TLE4: variants seen among roughly 807,000 people sequenced by gnomAD.
TLE4 encodes the protein TLE family member 4, transcriptional corepressor.
A neutral mutation model predicts 92.8 loss-of-function variants in TLE4; 8 were observed. The observed-to-expected ratio is 0.09, with a 90% CI of 0.05 to 0.16. The LOEUF is 0.16. Ranked by LOEUF, TLE4 falls within the 10% of genes least tolerant of loss-of-function variation. The probability of loss-of-function intolerance (pLI) is 1.00; values close to 1 mark genes in which losing one functional copy is unlikely to be tolerated. For missense variants in TLE4, 675 were observed against 997.6 expected (o/e 0.68, Z 4.36); for synonymous variants, 371 against 374.1 (o/e 0.99, Z 0.10).
chr9:79,673,017 GA>G (rs2062670436), intron 8 of TLE4, among the ~76,000 whole-genome samples: 1 of 152,146 alleles, frequency 6.6e-6, no homozygotes, highest in South Asian at 2.1e-4. Flanking sequence ...GATAGTCTTA[GA>G]ACATTGCAAG....
intron 8 of TLE4, among the ~76,000 whole-genome samples, chr9:79,689,916 C>T (rs1176187212): frequency 3.3e-5 from 5 of 152,216 alleles, no homozygotes; most frequent in Non-Finnish European, 4.4e-5. Context: ...AGCCTACCCT[C>T]TCTGGACAGC....
intron 4 of TLE4, among the ~76,000 whole-genome samples, chr9:79,595,844 A>G (rs956317345): frequency 6.9e-6 from 1 of 145,668 alleles, no homozygotes; most frequent in Non-Finnish European, 1.5e-5. Context: ...ATTTTTTGCC[A>G]TCTACTTTTT....
intron 6 of TLE4, among the ~76,000 whole-genome samples, chr9:79,648,350 T>G (rs2058426187): frequency 6.6e-6 from 1 of 152,188 alleles, no homozygotes; most frequent in African/African-American, 2.4e-5. Context: ...CAGGGTCTTC[T>G]TATCTGTAAA....
chr9:79,662,659 C>T lies in TLE4; in HGVS notation c.609+8584C>T, dbSNP rs560354456. 2.0e-5 allele frequency among the ~76,000 whole-genome samples: 3 copies of T among 152,234 alleles called. No individual in the cohort carries two copies. In the East Asian group the frequency reaches 5.8e-4, roughly 29 times the overall value. On this transcript the variant is annotated intron_variant, in intron 8 of 19. Coordinates refer to ENST00000376552, the MANE Select transcript of TLE4 (RefSeq NM_007005.6). ...GATGTCTGATTTGAGAATCTTGCCT[C>T]CTTCGATGTAAACAAATAACTTCTG...
chr9:79,600,226 T>A (rs145275604), intron 4 of TLE4, among the ~76,000 whole-genome samples: 1 of 152,348 alleles, frequency 6.6e-6, no homozygotes, highest in East Asian at 1.9e-4. Flanking sequence ...TAGTTTGCTT[T>A]ACCTTTAATT....
intron 8 of TLE4, among the ~76,000 whole-genome samples, chr9:79,703,877 A>G (rs960486819): frequency 3.3e-5 from 5 of 152,106 alleles, no homozygotes; most frequent in Non-Finnish European, 7.4e-5. Context: ...AATATGACCT[A>G]TATGTCACAT....
chr9:79,616,807 C>G lies in TLE4; in HGVS notation c.315+4089C>G, dbSNP rs148388435. On this transcript the variant is annotated intron_variant, in intron 5 of 19. Transcript: ENST00000376552. ...GAGAGTCTAAGGTGGACCTAAAACT[C>G]TACATCACTGTTACACCCTGGCAGT... 1.5e-3 allele frequency among the ~76,000 whole-genome samples: 226 copies of G among 152,208 alleles called. 1 individual carries two copies. The highest frequency in any genetic ancestry group is 4.7e-3 in the Admixed American group (72 of 15,300).
rs1011936761 is a variant in TLE4, at chr9:79,725,224, G to T, written c.*80G>T. The T allele has an allele frequency of 5.0e-6, 5 of 1,001,148 alleles. No individual in the cohort carries two copies. The South Asian group carries it at 7.0e-5, about 14-fold the overall frequency. The allele number at this position is 1,001,148 out of a possible 1,614,324, so 62.0% of individuals were successfully genotyped here. A position where few individuals can be genotyped will look rare whatever the true frequency, so the allele number is the denominator to read the frequency against. On this transcript the variant is annotated 3_prime_UTR_variant, in exon 20 of 20. Coordinates refer to ENST00000376552, the MANE Select transcript of TLE4 (RefSeq NM_007005.6). ...ATCCTTTTTGTTCACCCCCATCCCC[G>T]CATCTAAAACCAAGGATTTCAGATA...
At chr9:79,687,266 T>C (rs1475146964) in intron 8 of TLE4, among the ~76,000 whole-genome samples, 2 of 152,178 alleles carry the variant, frequency 1.3e-5, no homozygotes, top group East Asian at 3.9e-4. Context: ...CATGGCCACG[T>C]ACAAGTTATA....
intron 8 of TLE4, among the ~76,000 whole-genome samples, chr9:79,698,995 T>A (rs1001545871): frequency 1.3e-5 from 2 of 151,920 alleles, no homozygotes; most frequent in Non-Finnish European, 2.9e-5. Context: ...TGTAATTCTG[T>A]ACAATAAAAT....
chr9:79,592,240 C>CT lies in TLE4; in HGVS notation c.252+16064dup, dbSNP rs1314625501. Reference sequence around the variant, plus strand: ...CCTCTTCTTCTTCTTCTTCTTCCTTCTGCTTCTTCTTCTTTCTTCTTTCTT... The same window carrying CT: ...CCTCTTCTTCTTCTTCTTCTTCCTTCTTGCTTCTTCTTCTTTCTTCTTTCTT... On this transcript the variant is annotated intron_variant, in intron 4 of 19. Coordinates refer to ENST00000376552, the MANE Select transcript of TLE4 (RefSeq NM_007005.6). Among the ~76,000 whole-genome samples the CT allele has an allele frequency of 2.8e-4, 38 of 133,940 alleles. No individual in the cohort carries two copies. In the East Asian group the frequency reaches 3.6e-3, roughly 13 times the overall value. 87.9% of individuals were successfully genotyped at this position (133,940 alleles called of 152,430 possible).
intron 17 of TLE4, among the ~76,000 whole-genome samples, 162 bp downstream of exon 17, chr9:79,722,050 A>G (rs1050517662): frequency 3.3e-5 from 5 of 152,170 alleles, no homozygotes; most frequent in African/African-American, 1.2e-4. Context: ...CTGTAGTCCC[A>G]GCTACTTAGG....
intron 7 of TLE4, among the ~76,000 whole-genome samples, chr9:79,653,301 C>A (rs1587852667): frequency 1.3e-5 from 2 of 152,294 alleles, no homozygotes; most frequent in East Asian, 1.9e-4. Context: ...TTAATGAAAT[C>A]TGTTGGTTTA....
intron 14 of TLE4, among the ~76,000 whole-genome samples, chr9:79,712,779 T>C (rs142549931): frequency 4.6e-5 from 7 of 152,356 alleles, no homozygotes; most frequent in African/African-American, 1.7e-4. Flanking sequence ...ATGGCCCTTC[T>C]CCTTCACCTG....
chr9:79,641,088 A>G (rs1474022566), intron 6 of TLE4, among the ~76,000 whole-genome samples: 5 of 151,150 alleles, frequency 3.3e-5, no homozygotes, highest in Admixed American at 1.3e-4. Flanking sequence ...GCAGAAGTCA[A>G]TCCTAGAATC....
intron 4 of TLE4, among the ~76,000 whole-genome samples, chr9:79,583,014 GC>G (rs1386265138): frequency 6.6e-6 from 1 of 152,128 alleles, no homozygotes; most frequent in South Asian, 2.1e-4. Flanking sequence ...AAGAGGAAGG[GC>G]CTCAGAAGTT....
At chr9:79,598,248 CAA>C (rs11460494) in intron 4 of TLE4, among the ~76,000 whole-genome samples, 5 of 62,700 alleles carry the variant, frequency 8.0e-5, no homozygotes, top group Middle Eastern at 0.012. Flanking sequence ...GACTCCGTCT[CAA>C]AAAAAAAAAA....
At chr9:79,667,015 T>C (rs2061504490) in intron 8 of TLE4, among the ~76,000 whole-genome samples, 1 of 152,254 alleles carries the variant, frequency 6.6e-6, no homozygotes, top group Admixed American at 6.5e-5. Context: ...TTCATTGCTT[T>C]AACCACGTGG....
intron 8 of TLE4, chr9:79,671,359 C>T (rs754709395): frequency 9.2e-6 from 4 of 434,584 alleles, no homozygotes; most frequent in South Asian, 6.3e-5. Context: ...CTAATAACTA[C>T]CCTGACGAGC....
Sources: allele counts gnomAD v4.1 joint callset (sites outside exome capture counted in the v4.1 genomes callset), GRCh38; gene constraint gnomAD v4.1.1; transcripts MANE v1.5; gene names NCBI Gene and HGNC (gene_info 2026-07-23, HGNC 2026-07-21).